GPC6: variants seen among roughly 807,000 people sequenced by gnomAD.
The protein encoded by GPC6 is glypican-6.
Under a neutral mutation model 55.2 loss-of-function variants are expected in GPC6, and 14 were observed. The observed-to-expected ratio is 0.25, with a 90% CI of 0.17 to 0.40. GPC6 has a LOEUF of 0.40. Among genes scored for constraint, GPC6 ranks in the 10% least tolerant of loss-of-function variants. The pLI, the probability that GPC6 is intolerant of heterozygous loss-of-function variation, is 1.00. For synonymous variants in GPC6, 278 were observed against 259.6 expected (o/e 1.07, Z -0.68); for missense variants, 641 against 708.5 (o/e 0.90, Z 1.08).
chr13:93,423,062 C>T (rs1876985006), intron 1 of GPC6, among the ~76,000 whole-genome samples: 1 of 152,130 alleles, frequency 6.6e-6, no homozygotes, highest in Admixed American at 6.6e-5. Flanking sequence ...CCACCAGCTC[C>T]CCGTTTGTTA....
At chr13:94,083,280 G>A (rs898274526) in intron 4 of GPC6, among the ~76,000 whole-genome samples, 11 of 152,016 alleles carry the variant, frequency 7.2e-5, no homozygotes, top group South Asian at 2.1e-4. Context: ...CACCACACCC[G>A]TCTAATTTTT....
chr13:93,793,864 T>G (rs1356954753), intron 2 of GPC6, among the ~76,000 whole-genome samples: 1 of 152,192 alleles, frequency 6.6e-6, no homozygotes, highest in Non-Finnish European at 1.5e-5. Context: ...TGCTAGGAAA[T>G]TTTCAACATT....
intron 3 of GPC6, among the ~76,000 whole-genome samples, chr13:93,960,937 C>G (rs915664154): frequency 6.6e-6 from 1 of 151,714 alleles, no homozygotes; most frequent in African/African-American, 2.4e-5. Flanking sequence ...CTCAGCCTCC[C>G]GAGTAGCTGG....
At chr13:93,532,270 T>C (rs894233628) in intron 1 of GPC6, among the ~76,000 whole-genome samples, 2 of 152,152 alleles carry the variant, frequency 1.3e-5, no homozygotes, top group Non-Finnish European at 2.9e-5. Flanking sequence ...ATCTTTCTAT[T>C]CATTATCTTT....
At chr13:93,547,174 C>CAAAAAAA (rs55697128) in intron 2 of GPC6, among the ~76,000 whole-genome samples, 7 of 129,082 alleles carry the variant, frequency 5.4e-5, no homozygotes, top group African/African-American at 2.0e-4. Flanking sequence ...ACTAAAAATA[C>CAAAAAAA]AAAAAAAAAA....
In GPC6 at chr13:93,928,720, T is replaced by A. The variant is rs184593019; in HGVS notation, c.711+98175T>A. Among the ~76,000 whole-genome samples the A allele has an allele frequency of 6.1e-4, 90 of 147,528 alleles. No homozygotes were observed. The East Asian group carries it at 0.018, about 29-fold the overall frequency. On this transcript the variant is annotated intron_variant, in intron 3 of 8. Transcript: ENST00000377047. ...AGCATCACCAAGGTCCAAAGAAAGA[T>A]TATTCTGTACTAGTATGACGAGGTA...
At chr13:93,220,196 G>A in the GPC6 span, among the ~76,000 whole-genome samples, 1 of 152,150 alleles carries the variant, frequency 6.6e-6, no homozygotes, top group Admixed American at 6.6e-5. Flanking sequence ...TTCCATTGAC[G>A]AAAGTTAGCA....
chr13:94,194,378 A>C (rs769119476), intron 4 of GPC6, among the ~76,000 whole-genome samples: 1 of 152,130 alleles, frequency 6.6e-6, no homozygotes, highest in Non-Finnish European at 1.5e-5. Context: ...TGGCAACTCC[A>C]ATGTATGCAT....
intron 3 of GPC6, among the ~76,000 whole-genome samples, chr13:93,840,923 G>T (rs572003631): frequency 6.6e-6 from 1 of 152,244 alleles, no homozygotes; most frequent in South Asian, 2.1e-4. Context: ...TGAACCTGAC[G>T]TTTATCCCAG....
intron 4 of GPC6, among the ~76,000 whole-genome samples, chr13:94,073,346 C>T (rs1347750657): frequency 6.6e-5 from 10 of 152,100 alleles, no homozygotes; most frequent in Non-Finnish European, 1.5e-5. Flanking sequence ...TCCTTTGATC[C>T]CATCTCACAA....
intron 1 of GPC6, among the ~76,000 whole-genome samples, chr13:93,299,813 G>A (rs1878612832): frequency 2.6e-5 from 4 of 152,294 alleles, no homozygotes; most frequent in African/African-American, 7.2e-5. Context: ...ATCAACTAGA[G>A]GAGATCAAGT....
chr13:93,815,179 G>A (rs1886811000), intron 2 of GPC6, among the ~76,000 whole-genome samples: 3 of 151,952 alleles, frequency 2.0e-5, no homozygotes, highest in Admixed American at 2.0e-4. Flanking sequence ...AAAAAAATAA[G>A]AATGATATTA....
chr13:93,772,003 C>T (rs567972677), intron 2 of GPC6, among the ~76,000 whole-genome samples: 29 of 152,232 alleles, frequency 1.9e-4, no homozygotes, highest in Non-Finnish European at 3.1e-4. Flanking sequence ...CAGTGACTCA[C>T]AAATTATAAT....
At chr13:93,881,551 G>C (rs1459847150) in intron 3 of GPC6, among the ~76,000 whole-genome samples, 2 of 151,980 alleles carry the variant, frequency 1.3e-5, no homozygotes, top group East Asian at 3.9e-4. Flanking sequence ...TGATTACTTG[G>C]AGTCAAGATC....
At chr13:93,293,416 CTA>C (rs1878380676) in intron 1 of GPC6, among the ~76,000 whole-genome samples, 1 of 152,084 alleles carries the variant, frequency 6.6e-6, no homozygotes, top group Admixed American at 6.6e-5. Context: ...TTAGTTAGAA[CTA>C]TGTTACTTGA....
intron 1 of GPC6, among the ~76,000 whole-genome samples, chr13:93,266,095 A>T (rs1368531357): frequency 1.3e-5 from 2 of 152,218 alleles, no homozygotes; most frequent in African/African-American, 4.8e-5. Context: ...AGACACCTTC[A>T]GAAATATTAA....
Position 93,564,448 on chromosome 13 carries a change from G to A in GPC6, c.319+19027G>A, listed in dbSNP as rs75001213. On this transcript the variant is annotated intron_variant, in intron 2 of 8. Coordinates refer to ENST00000377047, the MANE Select transcript of GPC6 (RefSeq NM_005708.5). ...CTTTTGAATATTTGATAATATATAT[G>A]AATTGAATTACCTATTAAAATATTT... Among the ~76,000 whole-genome samples the A allele has an allele frequency of 7.4e-3, 1,125 of 152,202 alleles. 17 individuals carry two copies. The highest frequency in any genetic ancestry group is 0.026 in the African/African-American group (1,067 of 41,548).
At chr13:93,291,489 A>C (rs765350569) in intron 1 of GPC6, among the ~76,000 whole-genome samples, 2 of 152,006 alleles carry the variant, frequency 1.3e-5, no homozygotes, top group Non-Finnish European at 2.9e-5. Flanking sequence ...TAAAAATTCA[A>C]CCTCTTCGTT....
intron 6 of GPC6, among the ~76,000 whole-genome samples, chr13:94,348,598 T>C (rs1878398395): frequency 6.6e-6 from 1 of 152,200 alleles, no homozygotes; most frequent in Non-Finnish European, 1.5e-5. Flanking sequence ...CTTCCTAGAT[T>C]TTCATATTCA....
Sources: allele counts gnomAD v4.1 joint callset (sites outside exome capture counted in the v4.1 genomes callset), GRCh38; gene constraint gnomAD v4.1.1; transcripts MANE v1.5; gene names NCBI Gene and HGNC (gene_info 2026-07-23, HGNC 2026-07-21).